PTK2B: variants seen among roughly 807,000 people sequenced by gnomAD.
The protein encoded by PTK2B is protein tyrosine kinase 2 beta, also known as protein-tyrosine kinase 2-beta.
In PTK2B, 71 loss-of-function variants were observed where a neutral mutation model predicts 142.9. The ratio of observed to expected loss-of-function variants is 0.50; its 90% CI spans 0.41 to 0.61. PTK2B has a LOEUF of 0.61. Ranked by LOEUF, PTK2B falls within the 20% of genes least tolerant of loss-of-function variation. The pLI is 0.00. For synonymous variants in PTK2B, 519 were observed against 503.4 expected (o/e 1.03, Z -0.42); for missense variants, 1,105 against 1,320.4 (o/e 0.84, Z 2.53).
chr8:27,455,783 G>C (rs1327171956), intron 30 of PTK2B, among the ~76,000 whole-genome samples: 1 of 152,246 alleles, frequency 6.6e-6, no homozygotes, highest in African/African-American at 2.4e-5. Context: ...CAATAAATCT[G>C]TGTTGTTTTG....
intron 18 of PTK2B, 33 bp from the exon 19 acceptor site, chr8:27,438,998 T>A: frequency 6.4e-7 from 1 of 1,563,852 alleles, no homozygotes; most frequent in Non-Finnish European, 8.8e-7. Context: ...GGGTGGGCAG[T>A]GCCTCATCCT....
chr8:27,333,518 C>T (rs933552986), intron 1 of PTK2B, among the ~76,000 whole-genome samples: 5 of 152,156 alleles, frequency 3.3e-5, no homozygotes, highest in South Asian at 2.1e-4. Flanking sequence ...AGATACTTTG[C>T]GGTCCTGTGG....
chr8:27,347,214 TAA>T (rs3050365), intron 1 of PTK2B, among the ~76,000 whole-genome samples: 1 of 141,910 alleles, frequency 7.0e-6, no homozygotes, highest in Non-Finnish European at 1.5e-5. Context: ...CCATCTCTAC[TAA>T]AAAAAAAAAA....
chr8:27,393,733 T>G (rs563559088), intron 1 of PTK2B, among the ~76,000 whole-genome samples: 2 of 152,082 alleles, frequency 1.3e-5, no homozygotes, highest in Non-Finnish European at 1.5e-5. Context: ...GTGCAGAGTG[T>G]TCCCACATGC....
At chr8:27,397,490 T>G in intron 1 of PTK2B, 58 bp from the exon 2 acceptor site, 21 of 1,318,224 alleles carry the variant, frequency 1.6e-5, no homozygotes, top group Non-Finnish European at 2.2e-5. Context: ...CCTGGGGCCA[T>G]GAGGTATGTG....
chr8:27,437,689 G>A (rs1013950843), intron 17 of PTK2B, 76 bp from the exon 18 acceptor site: 11 of 1,432,750 alleles, frequency 7.7e-6, no homozygotes, highest in Middle Eastern at 2.3e-4. Context: ...AGGGTCAGGG[G>A]TTGCCAGCAC....
intron 15 of PTK2B, 39 bp downstream of exon 15, chr8:27,436,387 T>C (rs538413161): frequency 2.6e-6 from 4 of 1,563,640 alleles, no homozygotes; most frequent in Non-Finnish European, 3.5e-6. Context: ...CTCTTCCACA[T>C]GTCTGTAGGG....
intron 5 of PTK2B, among the ~76,000 whole-genome samples, chr8:27,424,352 C>A (rs1323565283): frequency 1.3e-5 from 2 of 152,178 alleles, no homozygotes; most frequent in African/African-American, 2.4e-5. Flanking sequence ...GAGGACAGGG[C>A]AAGGCATCCG....
At chr8:27,398,261 A>AT (rs776535552) in intron 2 of PTK2B, among the ~76,000 whole-genome samples, 3 of 152,218 alleles carry the variant, frequency 2.0e-5, no homozygotes, top group Non-Finnish European at 4.4e-5. Context: ...AATGAAGTAG[A>AT]GGTGCTTTGA....
chr8:27,310,672 G>T, upstream of PTK2B: 1 of 1,080,114 alleles, frequency 9.3e-7, no homozygotes, highest in Non-Finnish European at 1.3e-6. Flanking sequence ...GAGAGGTGGG[G>T]TCCTGCATGC....
At chr8:27,455,188 G>A (rs1247812697) in intron 30 of PTK2B, among the ~76,000 whole-genome samples, 1 of 151,952 alleles carries the variant, frequency 6.6e-6, no homozygotes, top group Non-Finnish European at 1.5e-5. Context: ...TTGAGATTGG[G>A]AGATTGTTCT....
At chr8:27,391,292 T>C (rs112487084) in intron 1 of PTK2B, among the ~76,000 whole-genome samples, 7,344 of 152,182 alleles carry the variant, frequency 0.048, 596 homozygotes, top group African/African-American at 0.17. Context: ...AGAAGGGGTT[T>C]CACCATGTTG....
intron 1 of PTK2B, among the ~76,000 whole-genome samples, chr8:27,361,190 G>A (rs1357048129): frequency 6.6e-6 from 1 of 152,016 alleles, no homozygotes. Context: ...TTTAGCTCCA[G>A]ATTTAGCTTT....
Position 27,459,267 on chromosome 8 carries a change from C to T in PTK2B, c.*758C>T. 4.3e-6 allele frequency: 1 copy of T among 233,862 alleles called. No homozygotes were observed. The highest frequency in any genetic ancestry group is 6.0e-5 in the East Asian group (1 of 16,596). The allele number at this position is 233,862 out of a possible 1,614,324, so 14.5% of individuals were successfully genotyped here. A position where few individuals can be genotyped will look rare whatever the true frequency, so the allele number is the denominator to read the frequency against. ...TGCTTTTCCCTCTTTTCTTACTCCT[C>T]CTCTTTCTCTCCCCAACCCCCATTC... On this transcript the variant is annotated 3_prime_UTR_variant, in exon 31 of 31. Coordinates refer to ENST00000346049, the MANE Select transcript of PTK2B (RefSeq NM_173176.3).
chr8:27,357,757 T>C (rs568253854), intron 1 of PTK2B, among the ~76,000 whole-genome samples: 10 of 152,288 alleles, frequency 6.6e-5, no homozygotes, highest in Middle Eastern at 3.4e-3. Context: ...TAATAGAAAA[T>C]GCACAGGCTT....
upstream of PTK2B, among the ~76,000 whole-genome samples, chr8:27,324,250 G>A (rs958368198): frequency 6.6e-6 from 1 of 152,200 alleles, no homozygotes; most frequent in Non-Finnish European, 1.5e-5. Flanking sequence ...CCTGCTGACC[G>A]CTGTGTAGTC....
intron 2 of PTK2B, 52 bp downstream of exon 2, chr8:27,397,840 C>G (rs1435856536): frequency 6.3e-7 from 1 of 1,594,866 alleles, no homozygotes; most frequent in Non-Finnish European, 8.6e-7. Flanking sequence ...TGTCTTCTTC[C>G]TGGGCAGCTG....
At chr8:27,334,656 C>T (rs1803949146) in intron 1 of PTK2B, among the ~76,000 whole-genome samples, 1 of 152,072 alleles carries the variant, frequency 6.6e-6, no homozygotes, top group Non-Finnish European at 1.5e-5. Flanking sequence ...ATTGCATTTC[C>T]CTGGGCCTGT....
chr8:27,374,355 C>G (rs565868324), intron 1 of PTK2B, among the ~76,000 whole-genome samples: 1 of 152,354 alleles, frequency 6.6e-6, no homozygotes, highest in Non-Finnish European at 1.5e-5. Flanking sequence ...GCAGAGATGA[C>G]TGTCATGAAG....
Sources: gnomAD v4.1 joint callset for allele counts (sites outside exome capture counted in the v4.1 genomes callset) on GRCh38, gnomAD v4.1.1 for gene constraint, MANE v1.5 for transcripts, NCBI Gene and HGNC (gene_info 2026-07-23, HGNC 2026-07-21) for gene names.